Variants in SLC22A25 observed in about 807,000 individuals in gnomAD.
The protein encoded by SLC22A25 is solute carrier family 22 member 25, also known as MGI:2442751, MGI:2385316, MGI:3042283, MGI:3645714, MGI:3605624, MGI:2442750.
In SLC22A25, 44 loss-of-function variants were observed where a neutral mutation model predicts 45.9. That is an observed-to-expected ratio of 0.96 (90% confidence interval 0.75 to 1.23). The LOEUF (loss-of-function observed/expected upper bound fraction) is 1.23, where lower values mean the gene tolerates loss of function less well. SLC22A25 is among the 50% of genes most tolerant of loss of function. The pLI is 0.00. For synonymous variants in SLC22A25, 283 were observed against 238.6 expected (o/e 1.19, Z -1.72); for missense variants, 800 against 666.4 (o/e 1.20, Z -2.21).
intron 8 of SLC22A25, among the ~76,000 whole-genome samples, chr11:63,181,626 G>C (rs2088327002): frequency 6.6e-6 from 1 of 152,046 alleles, no homozygotes; most frequent in Admixed American, 6.6e-5. Flanking sequence ...GTTGTCTGTG[G>C]AGGACTATGG....
chr11:63,211,845 C>A (rs2089572510), intron 7 of SLC22A25, among the ~76,000 whole-genome samples: 1 of 151,942 alleles, frequency 6.6e-6, no homozygotes, highest in Admixed American at 6.6e-5. Context: ...AGAGCTTCTG[C>A]ACAGCAAAAG....
At chr11:63,171,953 A>C (rs2087902823) in intron 9 of SLC22A25, among the ~76,000 whole-genome samples, 1 of 152,226 alleles carries the variant, frequency 6.6e-6, no homozygotes, top group Admixed American at 6.5e-5. Context: ...GCACCAAATC[A>C]GATACATAGA....
At chr11:63,197,863 TAAATA>T (rs1337173260) in intron 7 of SLC22A25, among the ~76,000 whole-genome samples, 2 of 151,366 alleles carry the variant, frequency 1.3e-5, no homozygotes, top group Non-Finnish European at 2.9e-5. Flanking sequence ...ACAAAGAACT[TAAATA>T]AATTTACAAG....
intron 7 of SLC22A25, among the ~76,000 whole-genome samples, chr11:63,186,784 C>T (rs1590817799): frequency 6.6e-6 from 1 of 151,682 alleles, no homozygotes; most frequent in African/African-American, 2.4e-5. Context: ...TTTCCCAGCA[C>T]CATTTATTAA....
chr11:63,213,263 G>A (rs2089625554), intron 7 of SLC22A25, among the ~76,000 whole-genome samples: 1 of 152,200 alleles, frequency 6.6e-6, no homozygotes, highest in Admixed American at 6.5e-5. Context: ...AAAAGGAACA[G>A]GAAAAGGCCT....
chr11:63,188,453 C>T (rs1417359396), intron 7 of SLC22A25, among the ~76,000 whole-genome samples: 1 of 151,902 alleles, frequency 6.6e-6, no homozygotes, highest in African/African-American at 2.4e-5. Flanking sequence ...TTTATTAGTC[C>T]TGCTAGCGGT....
At chr11:63,164,785 G>A in intron 10 of SLC22A25, 151 bp from the exon 11 acceptor site, 2 of 627,940 alleles carry the variant, frequency 3.2e-6, no homozygotes, top group Admixed American at 2.7e-5. Flanking sequence ...ATGTGCAGTG[G>A]CTAATAGCTG....
chr11:63,209,458 C>T (rs757671080), intron 7 of SLC22A25, among the ~76,000 whole-genome samples: 2 of 152,124 alleles, frequency 1.3e-5, no homozygotes, highest in Non-Finnish European at 2.9e-5. Flanking sequence ...TCAGGAGCAT[C>T]TGGAGAGTCA....
At chr11:63,241,478 C>G (rs1402895637) in intron 1 of SLC22A25, among the ~76,000 whole-genome samples, 2 of 152,186 alleles carry the variant, frequency 1.3e-5, no homozygotes, top group African/African-American at 4.8e-5. Context: ...TCCCAGACCT[C>G]TTTCCTTCCT....
At chr11:63,223,704 A>G (rs2089901698) in intron 5 of SLC22A25, among the ~76,000 whole-genome samples, 4 of 151,820 alleles carry the variant, frequency 2.6e-5, no homozygotes. Flanking sequence ...ATGCATCATT[A>G]TGTTGTTCGT....
chr11:63,218,069 A>G, intron 5 of SLC22A25: 1 of 510,430 alleles, frequency 2.0e-6, no homozygotes, highest in South Asian at 1.5e-5. Flanking sequence ...CCAAAAAGAT[A>G]CACGCACTCA....
intron 3 of SLC22A25, among the ~76,000 whole-genome samples, chr11:63,233,558 C>T (rs906581238): frequency 2.0e-5 from 3 of 152,090 alleles, no homozygotes; most frequent in Admixed American, 1.3e-4. Context: ...AGCAGTCTAT[C>T]AATTTTGTTG....
intron 7 of SLC22A25, among the ~76,000 whole-genome samples, chr11:63,184,781 A>C (rs1449282796): frequency 6.6e-6 from 1 of 152,184 alleles, no homozygotes; most frequent in Non-Finnish European, 1.5e-5. Context: ...ATTGGAGAAA[A>C]CATTTTTGTA....
chr11:63,173,723 T>A (rs2087976631), intron 9 of SLC22A25, among the ~76,000 whole-genome samples: 2 of 152,122 alleles, frequency 1.3e-5, no homozygotes, highest in Non-Finnish European at 2.9e-5. Context: ...CTCACTGCCA[T>A]GTACATTTCT....
chr11:63,169,285 C>T (rs2087793864), intron 9 of SLC22A25, among the ~76,000 whole-genome samples: 1 of 152,196 alleles, frequency 6.6e-6, no homozygotes, highest in African/African-American at 2.4e-5. Context: ...AAGCAGCTAA[C>T]ATCATGATGA....
At chr11:63,169,316 C>G (rs1323285427) in intron 9 of SLC22A25, among the ~76,000 whole-genome samples, 1 of 152,124 alleles carries the variant, frequency 6.6e-6, no homozygotes, top group Admixed American at 6.5e-5. Flanking sequence ...TTAAACATAA[C>G]AATGTTAACC....
intron 1 of SLC22A25, 122 bp downstream of exon 1, chr11:63,243,312 A>G (rs1018768931): frequency 2.1e-6 from 1 of 465,324 alleles, no homozygotes; most frequent in East Asian, 4.0e-5. Context: ...GATGGTGGCC[A>G]ACATGATTGA....
chr11:63,169,613 T>C (rs1291795450), intron 9 of SLC22A25, among the ~76,000 whole-genome samples: 1 of 152,108 alleles, frequency 6.6e-6, no homozygotes, highest in Non-Finnish European at 1.5e-5. Context: ...CAAGAAGAGC[T>C]AACTATCCTA....
rs369673947 is a variant in SLC22A25, at chr11:63,229,478, T to C, written c.175A>G (p.Ile59Val). The change falls in exon 4 of 12, where the codon ATC becomes GTC. Residue 59 changes from isoleucine to valine, a missense_variant. Ile to Val is a conservative substitution (Grantham distance 29). Transcript: ENST00000306494. ...CWVHILDNDT[I>V]PDNDPGTLSQ... is the part of the protein sequence containing the mutation. ...AGGGTCCCAGGGTCATTGTCAGGGATAGTGTCATTGTCCAGTATATGAACC... is the reference window on the plus strand; with the variant it reads ...AGGGTCCCAGGGTCATTGTCAGGGACAGTGTCATTGTCCAGTATATGAACC... 2.5e-6 allele frequency: 4 copies of C among 1,614,016 alleles called. No individual in the cohort carries two copies. The highest frequency in any genetic ancestry group is 3.3e-5 in the Admixed American group (2 of 60,006).
Sources: allele counts gnomAD v4.1 joint callset (sites outside exome capture counted in the v4.1 genomes callset), GRCh38; gene constraint gnomAD v4.1.1; transcripts MANE v1.5; gene names NCBI Gene and HGNC (gene_info 2026-07-23, HGNC 2026-07-21).